FGGY: variants seen among roughly 807,000 people sequenced by gnomAD.
The protein encoded by FGGY is FGGY carbohydrate kinase domain-containing protein.
A neutral mutation model predicts 71.3 loss-of-function variants in FGGY; 72 were observed. The ratio of observed to expected loss-of-function variants is 1.01; its 90% confidence interval spans 0.84 to 1.23. The LOEUF is 1.23. Ranked by LOEUF, FGGY falls within the 50% of genes most tolerant of loss-of-function variation. The pLI is 0.00. For synonymous variants in FGGY, 251 were observed against 250.3 expected, an observed-to-expected ratio of 1.00 and a Z score of -0.02; for missense variants, 668 against 682.3, an observed-to-expected ratio of 0.98 and a Z score of 0.23.
chr1:59,630,888 G>T (rs553333807), intron 10 of FGGY, among the ~76,000 whole-genome samples: 1 of 152,226 alleles, frequency 6.6e-6, no homozygotes, highest in Admixed American at 6.5e-5. Context: ...TTCTCCTTCT[G>T]TTTAGAGTGG....
At position 59,321,700 on chromosome 1, in the gene FGGY, C is replaced by T. The variant is rs1173363120; in HGVS notation, c.151C>T (p.His51Tyr). 1 of 1,612,980 alleles carries T rather than the reference C, an allele frequency of 6.2e-7. No homozygotes were observed. Among genetic ancestry groups the T allele is most frequent in the Non-Finnish European group, 8.5e-7 (1 of 1,179,492 alleles). ...GAATTGGGAGCCCCAGTTCAACCAC[C>T]ATGAGCAGTCCTCCGAGGACATCTG... ...IKNWEPQFNHHEQSSEDIWAA... is the reference protein window; with the variant it reads ...IKNWEPQFNHYEQSSEDIWAA... Residue 51 changes from histidine to tyrosine, a missense_variant, in exon 2 of 16, where the codon CAT becomes TAT. By Grantham distance (83) the His-to-Tyr change is moderately conservative. Transcript: ENST00000303721.
chr1:59,534,272 G>C (rs1265011157), intron 7 of FGGY, among the ~76,000 whole-genome samples: 1 of 152,046 alleles, frequency 6.6e-6, no homozygotes, highest in Non-Finnish European at 1.5e-5. Context: ...GAGAAGGGAA[G>C]ATTAGAGAAA....
At chr1:59,725,329 A>G (rs143443799) in intron 14 of FGGY, among the ~76,000 whole-genome samples, 95 of 152,132 alleles carry the variant, frequency 6.2e-4, no homozygotes, top group African/African-American at 2.2e-3. Context: ...CCATTGATCT[A>G]TTTGTCTTTT....
intron 4 of FGGY, among the ~76,000 whole-genome samples, chr1:59,361,582 G>A (rs2055528784): frequency 6.6e-6 from 1 of 152,196 alleles, no homozygotes; most frequent in East Asian, 1.9e-4. Flanking sequence ...TCCGTCAAAA[G>A]TTCCTTTAAG....
intron 5 of FGGY, among the ~76,000 whole-genome samples, chr1:59,432,624 T>A (rs2067611704): frequency 6.6e-6 from 1 of 152,214 alleles, no homozygotes; most frequent in African/African-American, 2.4e-5. Context: ...AGTGGCAGTT[T>A]CCAGAGTTTG....
intron 7 of FGGY, among the ~76,000 whole-genome samples, chr1:59,544,092 A>G (rs956270193): frequency 2.8e-5 from 4 of 142,724 alleles, no homozygotes; most frequent in Non-Finnish European, 6.3e-5. Context: ...GTAGACGAGG[A>G]GAGTTATCTT....
At chr1:59,490,756 G>A (rs2093805144) in intron 6 of FGGY, among the ~76,000 whole-genome samples, 1 of 151,986 alleles carries the variant, frequency 6.6e-6, no homozygotes. Flanking sequence ...AGTTTTCTGA[G>A]CACCATTTAT....
At chr1:59,663,590 A>G (rs192407685) in intron 12 of FGGY, among the ~76,000 whole-genome samples, 13 of 152,312 alleles carry the variant, frequency 8.5e-5, no homozygotes, top group African/African-American at 2.4e-4. Context: ...AATGGGCCGT[A>G]CATGTATTAA....
At chr1:59,483,161 T>C (rs972997009) in intron 6 of FGGY, among the ~76,000 whole-genome samples, 4 of 152,172 alleles carry the variant, frequency 2.6e-5, no homozygotes, top group African/African-American at 9.7e-5. Context: ...CATTGGTGTG[T>C]GACCAAAAAT....
intron 8 of FGGY, among the ~76,000 whole-genome samples, chr1:59,587,341 T>A (rs1334047224): frequency 1.3e-5 from 2 of 152,064 alleles, no homozygotes; most frequent in African/African-American, 2.4e-5. Context: ...CCTGCCTGCC[T>A]CTGTAGGCTC....
At chr1:59,652,448 A>G (rs1454829905) in intron 11 of FGGY, among the ~76,000 whole-genome samples, 6 of 145,034 alleles carry the variant, frequency 4.1e-5, no homozygotes, top group African/African-American at 1.6e-4. Flanking sequence ...GGCTTTGCTC[A>G]TTTCTTTTTA....
intron 5 of FGGY, among the ~76,000 whole-genome samples, chr1:59,399,365 A>G (rs999318317): frequency 2.0e-5 from 3 of 152,220 alleles, no homozygotes; most frequent in Non-Finnish European, 4.4e-5. Flanking sequence ...GGCCCAGGAT[A>G]TAAGTGATTA....
chr1:59,522,516 A>G (rs1022654384), intron 7 of FGGY, among the ~76,000 whole-genome samples: 2 of 152,242 alleles, frequency 1.3e-5, no homozygotes, highest in Non-Finnish European at 2.9e-5. Context: ...CAGGCTTATT[A>G]GATCAGGGTA....
intron 14 of FGGY, among the ~76,000 whole-genome samples, chr1:59,679,215 G>T (rs1385820738): frequency 6.6e-6 from 1 of 152,004 alleles, no homozygotes; most frequent in African/African-American, 2.4e-5. Flanking sequence ...TTTAGGGCCA[G>T]TTATACTCAT....
intron 7 of FGGY, among the ~76,000 whole-genome samples, chr1:59,534,384 G>A (rs1402002495): frequency 6.6e-6 from 1 of 152,114 alleles, no homozygotes; most frequent in Non-Finnish European, 1.5e-5. Context: ...CGGGGAGAAT[G>A]GAACCAAGTT....
intron 2 of FGGY, among the ~76,000 whole-genome samples, chr1:59,329,643 G>A (rs574573158): frequency 7.9e-5 from 12 of 152,150 alleles, no homozygotes; most frequent in Non-Finnish European, 1.8e-4. Context: ...CCTCAAACAT[G>A]CAATGCTCCC....
At chr1:59,489,498 T>C (rs191834289) in intron 6 of FGGY, among the ~76,000 whole-genome samples, 1 of 152,326 alleles carries the variant, frequency 6.6e-6, no homozygotes, top group East Asian at 1.9e-4. Context: ...CGTATTTCAC[T>C]TAATATAATG....
At chr1:59,614,280 C>T (rs1011329675) in intron 9 of FGGY, among the ~76,000 whole-genome samples, 1 of 152,188 alleles carries the variant, frequency 6.6e-6, no homozygotes, top group African/African-American at 2.4e-5. Context: ...TCCAGCAGCA[C>T]ATCAAAAAGC....
chr1:59,722,256 ATACT>A (rs1355275994), intron 14 of FGGY, among the ~76,000 whole-genome samples: 1 of 151,962 alleles, frequency 6.6e-6, no homozygotes, highest in Non-Finnish European at 1.5e-5. Context: ...CATATCAAGG[ATACT>A]TACTATCAGT....
Sources: gnomAD v4.1 joint callset for allele counts (sites outside exome capture counted in the v4.1 genomes callset) on GRCh38, gnomAD v4.1.1 for gene constraint, MANE v1.5 for transcripts, NCBI Gene and HGNC (gene_info 2026-07-23, HGNC 2026-07-21) for gene names.